The following FBXL7 variants were observed in gnomAD, a reference collection of about 807,000 sequenced individuals.
FBXL7 encodes the protein F-box and leucine rich repeat protein 7.
Under a neutral mutation model 38.3 loss-of-function variants are expected in FBXL7, and 12 were observed. That is an observed-to-expected ratio of 0.31 (90% CI 0.20 to 0.51). The LOEUF is 0.51. Ranked by LOEUF, FBXL7 falls within the 20% of genes least tolerant of loss-of-function variation. The pLI, the probability that FBXL7 is intolerant of heterozygous loss-of-function variation, is 0.98. For missense variants in FBXL7, 567 were observed against 676.4 expected, an observed-to-expected ratio of 0.84 and a Z score of 1.79; for synonymous variants, 297 against 300.9, an observed-to-expected ratio of 0.99 and a Z score of 0.13.
chr5:15,721,757 G>A (rs185544309), intron 2 of FBXL7, among the ~76,000 whole-genome samples: 20 of 152,032 alleles, frequency 1.3e-4, no homozygotes, highest in African/African-American at 4.8e-4. Flanking sequence ...TTAGTGTCTG[G>A]TTTTTTAGTT....
intron 2 of FBXL7, among the ~76,000 whole-genome samples, chr5:15,861,475 G>A (rs1029095741): frequency 5.9e-5 from 9 of 152,108 alleles, no homozygotes; most frequent in African/African-American, 1.7e-4. Context: ...ACAGTTGCAC[G>A]GACACCCAAC....
At chr5:15,745,915 G>A (rs1736002969) in intron 2 of FBXL7, among the ~76,000 whole-genome samples, 1 of 152,182 alleles carries the variant, frequency 6.6e-6, no homozygotes, top group Non-Finnish European at 1.5e-5. Context: ...GTGGAAGAGA[G>A]ACTCTCATGG....
chr5:15,937,234 C>T lies in FBXL7; in HGVS notation c.*48C>T, dbSNP rs1438788592. 1.3e-6 allele frequency: 2 copies of T among 1,484,854 alleles called. No homozygotes were observed. Among genetic ancestry groups the T allele is most frequent in the African/African-American group, 1.4e-5 (1 of 71,494 alleles). 92.0% of individuals were successfully genotyped at this position (1,484,854 alleles called of 1,614,324 possible). A position where few individuals can be genotyped will look rare whatever the true frequency, so the allele number is the denominator to read the frequency against. ...TGTATTCACACAAACCTGAACAAAG[C>T]AAATTTTTTTAAAAGCAGCGTATGT... On this transcript the variant is annotated 3_prime_UTR_variant, in exon 4 of 4. Transcript: ENST00000504595.
intron 1 of FBXL7, among the ~76,000 whole-genome samples, chr5:15,562,023 G>C (rs967691297): frequency 2.6e-5 from 4 of 151,974 alleles, no homozygotes; most frequent in African/African-American, 9.7e-5. Flanking sequence ...AGATAATGCA[G>C]ATAAGAATAG....
intron 2 of FBXL7, among the ~76,000 whole-genome samples, chr5:15,702,550 C>T (rs1460779871): frequency 6.6e-6 from 1 of 151,846 alleles, no homozygotes. Context: ...ACTGAGTCAC[C>T]GGTATTTTAT....
intron 2 of FBXL7, among the ~76,000 whole-genome samples, chr5:15,867,716 G>A (rs1739774562): frequency 6.6e-6 from 1 of 152,190 alleles, no homozygotes; most frequent in African/African-American, 2.4e-5. Flanking sequence ...GGTGCTTAAA[G>A]TGGAAGAGAC....
intron 2 of FBXL7, among the ~76,000 whole-genome samples, chr5:15,722,726 C>G (rs1281658196): frequency 6.6e-6 from 1 of 152,106 alleles, no homozygotes; most frequent in Non-Finnish European, 1.5e-5. Flanking sequence ...AGTTCGAGAC[C>G]AGCCTGGCCA....
At chr5:15,537,076 T>C (rs553843329) in intron 1 of FBXL7, among the ~76,000 whole-genome samples, 49 of 152,338 alleles carry the variant, frequency 3.2e-4, no homozygotes, top group Non-Finnish European at 6.3e-4. Flanking sequence ...TTGCTTCCCC[T>C]TCATTTTCTG....
chr5:15,749,051 C>G (rs566404914), intron 2 of FBXL7, among the ~76,000 whole-genome samples: 7 of 151,858 alleles, frequency 4.6e-5, no homozygotes, highest in Middle Eastern at 3.4e-3. Flanking sequence ...TAGAGACCAG[C>G]CTGGCCAACA....
intron 3 of FBXL7, among the ~76,000 whole-genome samples, chr5:15,930,187 G>A (rs1258330083): frequency 6.6e-6 from 1 of 152,176 alleles, no homozygotes; most frequent in Non-Finnish European, 1.5e-5. Flanking sequence ...AGGAAACCAG[G>A]AGGTTTTCTT....
At chr5:15,663,844 A>G (rs1290577432) in intron 2 of FBXL7, among the ~76,000 whole-genome samples, 1 of 152,228 alleles carries the variant, frequency 6.6e-6, no homozygotes, top group Non-Finnish European at 1.5e-5. Context: ...AATTTTAAGT[A>G]TACCATACAA....
intron 1 of FBXL7, among the ~76,000 whole-genome samples, chr5:15,551,065 A>T (rs1037781048): frequency 2.6e-5 from 4 of 152,220 alleles, no homozygotes; most frequent in Admixed American, 6.5e-5. Flanking sequence ...GAATGAGGCA[A>T]AAAACCTCCT....
rs188025842 is a variant in FBXL7, at chr5:15,749,349, G to C, written c.127+133277G>C. 4.5e-3 allele frequency among the ~76,000 whole-genome samples: 685 copies of C among 151,918 alleles called. 11 individuals carry two copies. Among genetic ancestry groups the C allele is most frequent in the African/African-American group, 0.015 (642 of 41,440 alleles). ...TTGTTATAAGTGTGTATCCTCGGCT[G>C]GGTGCGGTGGCTCACGCCTGTAATC... On this transcript the variant is annotated intron_variant, in intron 2 of 3. Coordinates refer to ENST00000504595, the MANE Select transcript of FBXL7 (RefSeq NM_012304.5).
chr5:15,726,553 C>T (rs556023493), intron 2 of FBXL7, among the ~76,000 whole-genome samples: 26 of 151,986 alleles, frequency 1.7e-4, no homozygotes, highest in African/African-American at 5.3e-4. Context: ...ATTAGCTGGG[C>T]GTGGTGGTGT....
chr5:15,849,849 T>C (rs1739040050), intron 2 of FBXL7, among the ~76,000 whole-genome samples: 1 of 152,208 alleles, frequency 6.6e-6, no homozygotes, highest in Non-Finnish European at 1.5e-5. Context: ...AGCTTCTGCC[T>C]CGTCTGTTTT....
chr5:15,656,252 G>A (rs945385383), intron 2 of FBXL7, among the ~76,000 whole-genome samples: 2 of 152,192 alleles, frequency 1.3e-5, no homozygotes, highest in Non-Finnish European at 2.9e-5. Flanking sequence ...AATGCATGGT[G>A]TCATGTGAAT....
intron 2 of FBXL7, among the ~76,000 whole-genome samples, chr5:15,799,733 G>T (rs1267275273): frequency 3.3e-5 from 5 of 152,104 alleles, no homozygotes; most frequent in South Asian, 2.1e-4. Context: ...GAGGAAAATT[G>T]TTCAGTACAT....
Position 15,938,336 on chromosome 5 carries a change from A to G in FBXL7, c.*1150A>G, listed in dbSNP as rs1056059546. 4 of 152,208 alleles carry G rather than the reference A, an allele frequency of 2.6e-5. No homozygotes were observed. Among genetic ancestry groups the G allele is most frequent in the African/African-American group, 9.6e-5 (4 of 41,454 alleles). The allele number at this position is 152,208 out of a possible 1,614,324, so 9.4% of individuals were successfully genotyped here. On this transcript the variant is annotated 3_prime_UTR_variant, in exon 4 of 4. Coordinates refer to ENST00000504595, the MANE Select transcript of FBXL7 (RefSeq NM_012304.5). The stretch of plus-strand genomic sequence containing the variant: ...AGGCCCAAGGGAACACATGTCCTCA[A>G]AAGTTTTTCTGATCCCTCGCCTTGC...
chr5:15,572,387 TAAAAA>T (rs61523559), intron 1 of FBXL7, among the ~76,000 whole-genome samples: 2 of 110,552 alleles, frequency 1.8e-5, no homozygotes, highest in African/African-American at 3.3e-5. Context: ...TGGTTTCTGC[TAAAAA>T]AAAAAAAAAA....
Sources: gnomAD v4.1 joint callset for allele counts (sites outside exome capture counted in the v4.1 genomes callset) on GRCh38, gnomAD v4.1.1 for gene constraint, MANE v1.5 for transcripts, NCBI Gene and HGNC (gene_info 2026-07-23, HGNC 2026-07-21) for gene names.